CNTN5: variants seen among roughly 807,000 people sequenced by gnomAD.
CNTN5 encodes the protein contactin 5.
Under a neutral mutation model 129.1 loss-of-function variants are expected in CNTN5, and 77 were observed. The ratio of observed to expected loss-of-function variants is 0.60; its 90% CI spans 0.50 to 0.72. The LOEUF (loss-of-function observed/expected upper bound fraction) is 0.72, where lower values mean the gene tolerates loss of function less well. Among genes scored for constraint, CNTN5 ranks in the 30% least tolerant of loss-of-function variants. The pLI is 0.00. For missense variants in CNTN5, 1,478 were observed against 1,328.8 expected (o/e 1.11, Z -1.75); for synonymous variants, 509 against 465.6 (o/e 1.09, Z -1.20).
rs936591344 is a variant in CNTN5, at chr11:99,739,424, G to A, written c.56-80120G>A. On this transcript the variant is annotated intron_variant, in intron 3 of 24. Transcript: ENST00000524871. The stretch of plus-strand genomic sequence containing the variant: ...ACTTCAAGACAGATTGTATTTTTTC[G>A]GAATCTTTTACACCTCCGATTTGCC... Among the ~76,000 whole-genome samples, 6 of 151,796 alleles carry A rather than the reference G, an allele frequency of 4.0e-5. No individual in the cohort carries two copies. The East Asian group carries it at 7.7e-4, about 20-fold the overall frequency.
intron 18 of CNTN5, among the ~76,000 whole-genome samples, chr11:100,293,153 T>C (rs1951029397): frequency 6.6e-6 from 1 of 151,864 alleles, no homozygotes; most frequent in South Asian, 2.1e-4. Context: ...CAAAGATTAT[T>C]TTACCTATTC....
At chr11:99,201,271 G>A (rs967875733) in intron 1 of CNTN5, among the ~76,000 whole-genome samples, 5 of 150,150 alleles carry the variant, frequency 3.3e-5, no homozygotes, top group South Asian at 2.1e-4. Flanking sequence ...TGATCCACCC[G>A]CCTCAGCCTC....
chr11:99,678,386 C>T (rs973685771), intron 3 of CNTN5, among the ~76,000 whole-genome samples: 1 of 152,014 alleles, frequency 6.6e-6, no homozygotes. Flanking sequence ...ACAATCATTG[C>T]AACATATGTT....
chr11:99,159,605 G>C (rs898674691), intron 1 of CNTN5, among the ~76,000 whole-genome samples: 1 of 152,184 alleles, frequency 6.6e-6, no homozygotes, highest in Non-Finnish European at 1.5e-5. Context: ...CTGGGCAACA[G>C]AGCGAGACTC....
At chr11:99,987,927 T>A (rs909398158) in intron 8 of CNTN5, among the ~76,000 whole-genome samples, 2 of 152,218 alleles carry the variant, frequency 1.3e-5, no homozygotes, top group African/African-American at 4.8e-5. Flanking sequence ...ACAGTTTACT[T>A]ATATACATTT....
chr11:99,986,249 A>G (rs1156248490), intron 8 of CNTN5, among the ~76,000 whole-genome samples: 1 of 152,074 alleles, frequency 6.6e-6, no homozygotes, highest in Non-Finnish European at 1.5e-5. Flanking sequence ...TGATCATGTA[A>G]TACTCACTTG....
At chr11:100,061,527 T>C in intron 10 of CNTN5, 134 bp downstream of exon 10, 1 of 622,914 alleles carries the variant, frequency 1.6e-6, no homozygotes, top group Non-Finnish European at 2.7e-6. Context: ...TTCATTCGTA[T>C]GGTAAGGCAT....
intron 6 of CNTN5, among the ~76,000 whole-genome samples, chr11:99,875,560 T>C (rs568009637): frequency 6.6e-6 from 1 of 152,296 alleles, no homozygotes; most frequent in African/African-American, 2.4e-5. Context: ...TTCGTAGTTC[T>C]GTGTGCACTG....
intron 13 of CNTN5, among the ~76,000 whole-genome samples, chr11:100,168,220 A>C (rs1261243908): frequency 6.6e-6 from 1 of 151,984 alleles, no homozygotes; most frequent in Non-Finnish European, 1.5e-5. Flanking sequence ...AGTTACCCAG[A>C]AGATATAACT....
At chr11:100,033,525 CT>C (rs1941828497) in intron 9 of CNTN5, among the ~76,000 whole-genome samples, 1 of 152,172 alleles carries the variant, frequency 6.6e-6, no homozygotes, top group African/African-American at 2.4e-5. Flanking sequence ...ACTAGGACCC[CT>C]GTCTTCACCT....
chr11:99,539,935 A>G (rs572411695), intron 2 of CNTN5, among the ~76,000 whole-genome samples: 1 of 152,132 alleles, frequency 6.6e-6, no homozygotes, highest in Non-Finnish European at 1.5e-5. Flanking sequence ...TGTATTTTAA[A>G]TCTTAGGTGC....
chr11:99,090,745 G>A (rs947594764), intron 1 of CNTN5, among the ~76,000 whole-genome samples: 4 of 148,558 alleles, frequency 2.7e-5, no homozygotes, highest in African/African-American at 9.8e-5. Context: ...AAAAACGGCC[G>A]GGCGCGGTGG....
chr11:99,180,244 G>T (rs895179271), intron 1 of CNTN5, among the ~76,000 whole-genome samples: 3 of 152,140 alleles, frequency 2.0e-5, no homozygotes, highest in African/African-American at 7.2e-5. Flanking sequence ...GATATGATAA[G>T]CAAATTGCAA....
chr11:99,238,326 G>A (rs78388963), intron 1 of CNTN5, among the ~76,000 whole-genome samples: 8,660 of 152,200 alleles, frequency 0.057, 252 homozygotes, highest in Non-Finnish European at 0.078. Flanking sequence ...AACATGGGGC[G>A]TTTGACCTTG....
chr11:99,070,621 A>C (rs913248697), intron 1 of CNTN5, among the ~76,000 whole-genome samples: 1 of 152,136 alleles, frequency 6.6e-6, no homozygotes, highest in Non-Finnish European at 1.5e-5. Flanking sequence ...AAGTAAAAAC[A>C]AGTATTATAT....
At chr11:99,293,142 T>C (rs575292473) in intron 1 of CNTN5, among the ~76,000 whole-genome samples, 1 of 151,988 alleles carries the variant, frequency 6.6e-6, no homozygotes, top group African/African-American at 2.4e-5. Context: ...TGAAGAGATG[T>C]TGAATGTTAT....
intron 9 of CNTN5, among the ~76,000 whole-genome samples, chr11:100,040,085 C>G (rs184644125): frequency 0.093 from 14,035 of 151,672 alleles, 837 homozygotes; most frequent in East Asian, 0.18. Context: ...CTTTTTTTTT[C>G]CCATCTTTGT....
Position 99,549,884 on chromosome 11 carries a change from C to A in CNTN5, c.-70-6261C>A, listed in dbSNP as rs180823850. On this transcript the variant is annotated intron_variant, in intron 2 of 24. Coordinates refer to ENST00000524871, the MANE Select transcript of CNTN5 (RefSeq NM_014361.4). Reference sequence around the variant, plus strand: ...CTGATTCCAGTATCCATTAATTATACTTTTGAGTAGTAAGTAATCTCGAAC... The same window carrying A: ...CTGATTCCAGTATCCATTAATTATAATTTTGAGTAGTAAGTAATCTCGAAC... 3.6e-3 allele frequency among the ~76,000 whole-genome samples: 551 copies of A among 152,128 alleles called. 2 individuals carry two copies. Among genetic ancestry groups the A allele is most frequent in the Non-Finnish European group, 5.4e-3 (367 of 67,966 alleles).
At chr11:99,280,372 A>G (rs1322224264) in intron 1 of CNTN5, among the ~76,000 whole-genome samples, 2 of 151,876 alleles carry the variant, frequency 1.3e-5, no homozygotes, top group African/African-American at 4.8e-5. Flanking sequence ...TAATATCATC[A>G]AAATCGTTTA....
Sources: gnomAD v4.1 joint callset for allele counts (sites outside exome capture counted in the v4.1 genomes callset) on GRCh38, gnomAD v4.1.1 for gene constraint, MANE v1.5 for transcripts, NCBI Gene and HGNC (gene_info 2026-07-23, HGNC 2026-07-21) for gene names.